Variants in NENF observed in about 807,000 individuals in gnomAD.
NENF encodes neudesin.
In NENF, 6 loss-of-function variants were observed where a neutral mutation model predicts 14.8. That is an observed-to-expected ratio of 0.40 (90% CI 0.22 to 0.80). The LOEUF (loss-of-function observed/expected upper bound fraction) is 0.80. NENF is among the 30% of genes least tolerant of loss of function. NENF has a pLI of 0.34. For synonymous variants in NENF, 76 were observed against 95.1 expected, an observed-to-expected ratio of 0.80 and a Z score of 1.17; for missense variants, 184 against 212.7, an observed-to-expected ratio of 0.87 and a Z score of 0.84.
rs1159328706 is a variant in NENF at position 212,445,830 on chromosome 1, A to G, written c.343A>G (p.Thr115Ala). The G allele has an allele frequency of 1.9e-6, 3 of 1,614,076 alleles. No homozygotes were observed. Among genetic ancestry groups the G allele is most frequent in the South Asian group, 2.2e-5 (2 of 91,088 alleles). The change falls in exon 4 of 4, where the codon ACG becomes GCG. Residue 115 changes from threonine (T) to alanine (A), a missense_variant and splice_region_variant. Transcript: ENST00000366988. ...TCTTTCTTGGGCTTTTCTCCCCAAGACGGGTCTCACGGCCAAGGAACTGGA... is the reference window on the plus strand; with the variant it reads ...TCTTTCTTGGGCTTTTCTCCCCAAGGCGGGTCTCACGGCCAAGGAACTGGA... ...LDPADLTHDTTGLTAKELEAL... is the reference protein window; with the variant it reads ...LDPADLTHDTAGLTAKELEAL...
chr1:212,433,610 C>A lies in NENF; in HGVS notation c.177+490C>A, dbSNP rs1430599808. Among the ~76,000 whole-genome samples the A allele has an allele frequency of 6.6e-6, 1 of 152,012 alleles. No individual in the cohort carries two copies. Among genetic ancestry groups the A allele is most frequent in the Non-Finnish European group, 1.5e-5 (1 of 68,014 alleles). On this transcript the variant is annotated intron_variant, in intron 1 of 3. Transcript: ENST00000366988. This position sits in a 1 kb window ranked among gnomAD's most constrained non-coding sequence, Gnocchi z 5.5. ...CCTTTTCCTGCCCCTGTATCCCAGGCCTCTGCATCGGACTCCTCAAACCCA... is the reference window on the plus strand; with the variant it reads ...CCTTTTCCTGCCCCTGTATCCCAGGACTCTGCATCGGACTCCTCAAACCCA...
At chr1:212,441,156 A>C (rs1260356241) in intron 1 of NENF, among the ~76,000 whole-genome samples, 1 of 152,238 alleles carries the variant, frequency 6.6e-6, no homozygotes, top group South Asian at 2.1e-4. Context: ...GCCCATTGTT[A>C]GTAGAACGGT....
Position 212,445,886 on chromosome 1 carries a change from C to T in NENF, c.399C>T (p.Tyr133=), listed in dbSNP as rs908404645. ...TGGATGAGGTCTTCACCAAAGTGTA[C>T]AAAGCCAAATACCCCATCGTCGGCT... ...EALDEVFTKV[Y]KAKYPIVGYT... Residue 133 remains tyrosine (Y), a synonymous_variant, in exon 4 of 4, where the codon TAC becomes TAT. Transcript: ENST00000366988. 9 of 1,614,022 alleles carry T rather than the reference C, an allele frequency of 5.6e-6. No individual in the cohort carries two copies. The highest frequency in any genetic ancestry group is 4.5e-5 in the East Asian group (2 of 44,898).
intron 1 of NENF, among the ~76,000 whole-genome samples, chr1:212,435,304 C>G (rs567396618): frequency 2.0e-5 from 3 of 152,156 alleles, no homozygotes; most frequent in African/African-American, 7.2e-5. Flanking sequence ...CACAGGAGTT[C>G]GGGGTACTGA....
chr1:212,439,044 T>C (rs1662652538), intron 1 of NENF, among the ~76,000 whole-genome samples: 1 of 152,116 alleles, frequency 6.6e-6, no homozygotes, highest in African/African-American at 2.4e-5. Context: ...TCATCTACAC[T>C]GGGTCAGAAC....
Sources: allele counts gnomAD v4.1 joint callset (sites outside exome capture counted in the v4.1 genomes callset), GRCh38; gene constraint gnomAD v4.1.1; non-coding constraint Gnocchi (gnomAD v3.1); transcripts MANE v1.5; gene names NCBI Gene and HGNC (gene_info 2026-07-23, HGNC 2026-07-21).